The following FOCAD variants were observed in gnomAD, a reference collection of about 807,000 sequenced individuals.
FOCAD encodes KIAA1797.
A neutral mutation model predicts 225.6 loss-of-function variants in FOCAD; 198 were observed. The ratio of observed to expected loss-of-function variants is 0.88; its 90% CI spans 0.78 to 0.99. The LOEUF is 0.99. Ranked by LOEUF, FOCAD falls within the 50% of genes least tolerant of loss-of-function variation. The pLI is 0.00. For missense variants in FOCAD, 2,713 were observed against 2,123.6 expected (o/e 1.28, Z -5.46); for synonymous variants, 897 against 755.0 (o/e 1.19, Z -3.08).
chr9:20,898,829 G>A (rs1486591007), intron 21 of FOCAD, among the ~76,000 whole-genome samples: 2 of 151,992 alleles, frequency 1.3e-5, no homozygotes, highest in Non-Finnish European at 2.9e-5. Flanking sequence ...AGGAAATAAA[G>A]TAAATAGGTC....
intron 19 of FOCAD, 47 bp downstream of exon 19, chr9:20,874,854 G>A (rs376694682): frequency 3.5e-5 from 57 of 1,608,408 alleles, no homozygotes; most frequent in Non-Finnish European, 4.2e-5. Flanking sequence ...TTAGTGGTTC[G>A]ATTTGTCTGA....
intron 39 of FOCAD, among the ~76,000 whole-genome samples, 192 bp from the exon 40 acceptor site, chr9:20,986,096 G>GAGATGGC (rs1404224338): frequency 1.3e-5 from 2 of 151,970 alleles, no homozygotes; most frequent in African/African-American, 4.8e-5. Flanking sequence ...GAAGGAGCAG[G>GAGATGGC]AGATGGCATT....
chr9:20,914,305 C>T (rs908929453), intron 23 of FOCAD, among the ~76,000 whole-genome samples: 1 of 152,114 alleles, frequency 6.6e-6, no homozygotes, highest in Non-Finnish European at 1.5e-5. Flanking sequence ...GTGAATAAAG[C>T]CCCTTCTTTG....
intron 15 of FOCAD, among the ~76,000 whole-genome samples, chr9:20,853,160 TG>T (rs1564073099): frequency 1.3e-5 from 2 of 151,814 alleles, no homozygotes; most frequent in African/African-American, 4.8e-5. Context: ...GAAAAGTGAA[TG>T]TCCCTATAGG....
At chr9:20,856,615 T>G (rs911164016) in intron 15 of FOCAD, among the ~76,000 whole-genome samples, 1 of 152,082 alleles carries the variant, frequency 6.6e-6, no homozygotes, top group Non-Finnish European at 1.5e-5. Flanking sequence ...TTTGTCCATT[T>G]TTGCTTTGAT....
chr9:20,735,420 CAA>C (rs1827069120), intron 4 of FOCAD, among the ~76,000 whole-genome samples: 1 of 151,988 alleles, frequency 6.6e-6, no homozygotes, highest in South Asian at 2.1e-4. Flanking sequence ...TCATGCATAC[CAA>C]AGTTACTTGT....
chr9:20,858,558 C>T (rs989566725), intron 15 of FOCAD, among the ~76,000 whole-genome samples: 1 of 152,004 alleles, frequency 6.6e-6, no homozygotes, highest in African/African-American at 2.4e-5. Context: ...ACCAACTTTT[C>T]ATTTCATTAA....
intron 5 of FOCAD, 59 bp downstream of exon 5, chr9:20,740,399 C>T: frequency 2.1e-6 from 2 of 948,326 alleles, no homozygotes; most frequent in Non-Finnish European, 3.3e-6. Flanking sequence ...AAATTATTAA[C>T]TGTGACATGA....
intron 37 of FOCAD, among the ~76,000 whole-genome samples, chr9:20,980,503 T>C (rs62558289): frequency 0.011 from 1,608 of 151,726 alleles, 29 homozygotes; most frequent in African/African-American, 0.037. Flanking sequence ...TCTTGGTTAA[T>C]AAATTAAGTT....
At chr9:20,849,552 T>C (rs1827447740) in intron 15 of FOCAD, among the ~76,000 whole-genome samples, 1 of 151,946 alleles carries the variant, frequency 6.6e-6, no homozygotes, top group South Asian at 2.1e-4. Context: ...GAACTCTTTA[T>C]TATTTGCTTA....
intron 33 of FOCAD, among the ~76,000 whole-genome samples, chr9:20,950,211 A>C (rs1837568215): frequency 6.6e-6 from 1 of 152,184 alleles, no homozygotes; most frequent in Non-Finnish European, 1.5e-5. Flanking sequence ...AATATCACTG[A>C]TGGTCCTTCA....
In FOCAD at chr9:20,976,377, A is replaced by C. The variant is rs749468841; in HGVS notation, c.4133-43A>C. 4 of 1,593,430 alleles carry C rather than the reference A, an allele frequency of 2.5e-6. No homozygotes were observed. In the African/African-American group the frequency reaches 5.4e-5, roughly 21 times the overall value. On this transcript the variant is annotated intron_variant, in intron 35 of 43. Coordinates refer to ENST00000338382, the MANE Select transcript of FOCAD (RefSeq NM_001375567.1). Reference sequence around the variant, plus strand: ...TGTTGGCATTTTCCACTTCCATGATAGTATGCAGGTGTTTTACTATTATTT... The same window carrying C: ...TGTTGGCATTTTCCACTTCCATGATCGTATGCAGGTGTTTTACTATTATTT...
intron 19 of FOCAD, among the ~76,000 whole-genome samples, chr9:20,877,663 C>T (rs566763622): frequency 6.6e-6 from 1 of 152,270 alleles, no homozygotes; most frequent in Admixed American, 6.5e-5. Flanking sequence ...TACTCTGATG[C>T]ACAACTGAAG....
intron 4 of FOCAD, among the ~76,000 whole-genome samples, chr9:20,723,324 C>T (rs1031160437): frequency 1.3e-5 from 2 of 152,158 alleles, no homozygotes; most frequent in African/African-American, 4.8e-5. Flanking sequence ...CCTGTCTCTA[C>T]TAAAAATACA....
intron 6 of FOCAD, among the ~76,000 whole-genome samples, chr9:20,760,675 A>G (rs769962531): frequency 5.3e-5 from 8 of 152,068 alleles, no homozygotes; most frequent in Non-Finnish European, 1.2e-4. Context: ...TGTCTCTTGC[A>G]TGGTTACATA....
At chr9:20,847,118 C>T (rs890210407) in intron 15 of FOCAD, among the ~76,000 whole-genome samples, 2 of 152,020 alleles carry the variant, frequency 1.3e-5, no homozygotes, top group African/African-American at 2.4e-5. Flanking sequence ...TCGTGCATTT[C>T]AATTGTTTTT....
chr9:20,948,544 C>T (rs946936899), intron 31 of FOCAD, 151 bp downstream of exon 31: 1 of 891,924 alleles, frequency 1.1e-6, no homozygotes, highest in Non-Finnish European at 1.6e-6. Context: ...TTTTAAATCC[C>T]TTATAAATAA....
intron 24 of FOCAD, among the ~76,000 whole-genome samples, chr9:20,920,146 G>C (rs1267727993): frequency 6.6e-6 from 1 of 152,108 alleles, no homozygotes; most frequent in Non-Finnish European, 1.5e-5. Flanking sequence ...TCAACAAGTG[G>C]GCGAAGGAGA....
At chr9:20,808,691 C>T (rs553485102) in intron 11 of FOCAD, among the ~76,000 whole-genome samples, 3 of 152,234 alleles carry the variant, frequency 2.0e-5, no homozygotes, top group East Asian at 1.9e-4. Context: ...CATGATTAGA[C>T]TTTCTCTCCT....
Sources: allele counts gnomAD v4.1 joint callset (sites outside exome capture counted in the v4.1 genomes callset), GRCh38; gene constraint gnomAD v4.1.1; transcripts MANE v1.5; gene names NCBI Gene and HGNC (gene_info 2026-07-23, HGNC 2026-07-21).